The following ADAMTS10 variants were observed in gnomAD, a reference collection of about 807,000 sequenced individuals.
ADAMTS10 encodes ADAM metallopeptidase with thrombospondin type 1 motif 10, also known as A disintegrin and metalloproteinase with thrombospondin motifs 10.
Under a neutral mutation model 135.9 loss-of-function variants are expected in ADAMTS10, and 48 were observed. The ratio of observed to expected loss-of-function variants is 0.35; its 90% CI spans 0.28 to 0.45. ADAMTS10 has a LOEUF of 0.45. ADAMTS10 is among the 20% of genes least tolerant of loss of function. ADAMTS10 has a pLI of 1.00. For synonymous variants in ADAMTS10, 621 were observed against 647.5 expected, an observed-to-expected ratio of 0.96 and a Z score of 0.62; for missense variants, 1,131 against 1,565.2, an observed-to-expected ratio of 0.72 and a Z score of 4.68.
At position 8,605,004 on chromosome 19, in the gene ADAMTS10, C is replaced by T. The variant is rs781904768; in HGVS notation, c.435+8G>A. ...ATTTCCCCCCGCGTTCCAGAATCCT[C>T]AGCTCACCAGGCCTCCACAGGTGCT... On this transcript the variant is annotated splice_region_variant and intron_variant, in intron 4 of 25. Transcript: ENST00000597188. The surrounding 1 kb of genome is among the most constrained non-coding windows in gnomAD (Gnocchi z 7.7). 3.8e-6 allele frequency: 6 copies of T among 1,594,124 alleles called. No individual in the cohort carries two copies. Among genetic ancestry groups the T allele is most frequent in the Non-Finnish European group, 5.1e-6 (6 of 1,171,436 alleles).
rs1555737153 is a variant in ADAMTS10, at chr19:8,586,328, C to T, written c.2530+16G>A. The T allele has an allele frequency of 1.9e-6, 3 of 1,613,452 alleles. No individual in the cohort carries two copies. Among genetic ancestry groups the T allele is most frequent in the Non-Finnish European group, 2.5e-6 (3 of 1,179,870 alleles). The stretch of plus-strand genomic sequence containing the variant: ...CAGCCCAGGTATCTTGTGCCTTCCC[C>T]CACCCCCGGCCTCACCGCCTGCACA... On this transcript the variant is annotated intron_variant, in intron 21 of 25. Coordinates refer to ENST00000597188, the MANE Select transcript of ADAMTS10 (RefSeq NM_030957.4).
rs187900512 is a variant in ADAMTS10 at position 8,600,707 on chromosome 19, C to A, written c.810+221G>T. Among the ~76,000 whole-genome samples, 471 of 152,032 alleles carry A rather than the reference C, an allele frequency of 3.1e-3. 2 individuals are homozygous for A. The highest frequency in any genetic ancestry group is 7.2e-3 in the Admixed American group (109 of 15,240). ...TAGAGATGGGGTTTCACCGTGTTAG[C>A]CAGGATGGTCTCCATCTCCTGACCT... On this transcript the variant is annotated intron_variant, in intron 6 of 25. Transcript: ENST00000597188.
chr19:8,583,796 G>C (rs1231985539), intron 25 of ADAMTS10, among the ~76,000 whole-genome samples: 2 of 152,030 alleles, frequency 1.3e-5, no homozygotes, highest in African/African-American at 4.8e-5. Context: ...GGTGGAGGTT[G>C]CAGTGAGCCG....
rs782583570 is a variant in ADAMTS10, at chr19:8,595,813, A to G, written c.1428T>C (p.Asp476=). The G allele has an allele frequency of 6.8e-6, 11 of 1,614,086 alleles. No homozygotes were observed. Among genetic ancestry groups the G allele is most frequent in the Non-Finnish European group, 9.3e-6 (11 of 1,179,994 alleles). ...TVAPGQAYDA[D]EQCRFQHGVK... ...CTCCATGCTGAAAGCGGCATTGCTC[A>G]TCTGCATCGTAGGCTTGGCCCGGTG... is the stretch of plus-strand genomic sequence containing the variant. Residue 476 remains aspartate (D), a synonymous_variant, in exon 12 of 26, where the codon GAT becomes GAC. Transcript: ENST00000597188.
At chr19:8,600,486 CTTTTCTTTCTTTTCTT>C (rs1229168230) in intron 6 of ADAMTS10, among the ~76,000 whole-genome samples, 2 of 136,144 alleles carry the variant, frequency 1.5e-5, no homozygotes, top group East Asian at 2.7e-4. Flanking sequence ...TCTGTCTTTT[CTTTTCTTTCTTTTCTT>C]TTTTTTTTTT....
intron 12 of ADAMTS10, chr19:8,593,216 G>A (rs1483041652): frequency 1.1e-5 from 4 of 351,196 alleles, no homozygotes; most frequent in African/African-American, 8.3e-5. Context: ...TTAATTCAGA[G>A]TCTGTGCTCT....
At chr19:8,608,532 C>T (rs1184640924) in intron 1 of ADAMTS10, among the ~76,000 whole-genome samples, 1 of 152,098 alleles carries the variant, frequency 6.6e-6, no homozygotes, top group Non-Finnish European at 1.5e-5. Flanking sequence ...GACCCCCGCT[C>T]CTGCCCTGAG....
In ADAMTS10 at chr19:8,592,088, C is replaced by G. The variant is rs369734660; in HGVS notation, c.1603G>C (p.Val535Leu). ...TIDKGWCYKR[V>L]CVPFGSRPEG... is the part of the protein sequence containing the mutation. The stretch of plus-strand genomic sequence containing the variant: ...GGGCGCGACCCAAAGGGGACACAGA[C>G]CCGTTTGTAGCACCACTGGGTGGGG... Residue 535 changes from valine (V) to leucine (L), a missense_variant, in exon 14 of 26, where the codon GTC becomes CTC. This residue lies in a region of ADAMTS10 where 745 missense variants were observed against 1,056.3 expected (regional missense o/e 0.71). Coordinates refer to ENST00000597188, the MANE Select transcript of ADAMTS10 (RefSeq NM_030957.4). 6 of 1,613,636 alleles carry G rather than the reference C, an allele frequency of 3.7e-6. No individual in the cohort carries two copies. Among genetic ancestry groups the G allele is most frequent in the Middle Eastern group, 3.3e-4 (2 of 6,078 alleles).
At chr19:8,607,293 G>A (rs1236069829) in intron 2 of ADAMTS10, among the ~76,000 whole-genome samples, 2 of 152,062 alleles carry the variant, frequency 1.3e-5, no homozygotes, top group Non-Finnish European at 2.9e-5. Flanking sequence ...ACTGTCTTGG[G>A]CCATCTTTGG....
intron 6 of ADAMTS10, among the ~76,000 whole-genome samples, chr19:8,598,066 G>A (rs1273084015): frequency 1.3e-5 from 2 of 151,924 alleles, no homozygotes; most frequent in Non-Finnish European, 2.9e-5. Flanking sequence ...CTCCTGTCCT[G>A]GCCTGGCACA....
rs571696457 is a variant in ADAMTS10, at chr19:8,600,864, C to A, written c.810+64G>T. 77 of 1,592,036 alleles carry A rather than the reference C, an allele frequency of 4.8e-5. 2 individuals are homozygous for A. The South Asian group carries it at 8.3e-4, about 17-fold the overall frequency. On this transcript the variant is annotated intron_variant, in intron 6 of 25. Transcript: ENST00000597188. ...GGGTGGGATGGTAGCCACCCCCTTG[C>A]CTAACACTGCAGGCTGGCTCCAAGT...
At chr19:8,603,267 G>A (rs2042685686) in intron 5 of ADAMTS10, among the ~76,000 whole-genome samples, 1 of 152,054 alleles carries the variant, frequency 6.6e-6, no homozygotes. Flanking sequence ...CTGTCCCCTG[G>A]ATAGAACTCC....
chr19:8,580,820 C>T lies in ADAMTS10; in HGVS notation c.*73G>A. ...CTCCCAGTTCCCGCCCCCCCGGGGC[C>T]CCCTCTGGCCGGCCCGCTGCAGGGC... is the stretch of plus-strand genomic sequence containing the variant. On this transcript the variant is annotated 3_prime_UTR_variant, in exon 26 of 26. Coordinates refer to ENST00000597188, the MANE Select transcript of ADAMTS10 (RefSeq NM_030957.4). 7.8e-7 allele frequency: 1 copy of T among 1,284,284 alleles called. No homozygotes were observed. Among genetic ancestry groups the T allele is most frequent in the Non-Finnish European group, 1.1e-6 (1 of 917,588 alleles). The allele number at this position is 1,284,284 out of a possible 1,614,324, so 79.6% of individuals were successfully genotyped here.
In ADAMTS10 at chr19:8,595,705, C is replaced by T. The variant is rs558631205; in HGVS notation, c.1479+57G>A. The T allele has an allele frequency of 1.1e-5, 16 of 1,417,514 alleles. No individual in the cohort carries two copies. The African/African-American group carries it at 1.3e-4, about 11-fold the overall frequency. The allele number at this position is 1,417,514 out of a possible 1,614,324, so 87.8% of individuals were successfully genotyped here. On this transcript the variant is annotated intron_variant, in intron 12 of 25. Coordinates refer to ENST00000597188, the MANE Select transcript of ADAMTS10 (RefSeq NM_030957.4). ...TGGGTGCCCTGGTGGAGTTCCCTCC[C>T]CCAGCCCCAGCGGCCCCCTCCCCTC...
intron 6 of ADAMTS10, among the ~76,000 whole-genome samples, chr19:8,600,500 C>CTTTTTT (rs797035354): frequency 6.9e-5 from 9 of 129,810 alleles, no homozygotes; most frequent in African/African-American, 1.2e-4. Flanking sequence ...TCTTTCTTTT[C>CTTTTTT]TTTTTTTTTT....
In ADAMTS10 at chr19:8,585,213, G is replaced by T; in HGVS notation, c.2961C>A (p.Pro987=). 1 of 1,428,028 alleles carries T rather than the reference G, an allele frequency of 7.0e-7. No homozygotes were observed. Among genetic ancestry groups the T allele is most frequent in the East Asian group, 2.7e-5 (1 of 37,196 alleles). The allele number at this position is 1,428,028 out of a possible 1,614,324, so 88.5% of individuals were successfully genotyped here. A position where few individuals can be genotyped will look rare whatever the true frequency, so the allele number is the denominator to read the frequency against. ...RATLPPAHCS[P]AAKPPATMRC... ...GCATGGTGGCCGGTGGCTTGGCGGC[G>T]GGTGAGCAGTGCGCCGGGGGCAGCG... Residue 987 remains proline, a synonymous_variant, in exon 24 of 26, where the codon CCC becomes CCA. Transcript: ENST00000597188.
chr19:8,582,214 A>G (rs1263145498), intron 25 of ADAMTS10, among the ~76,000 whole-genome samples: 1 of 152,212 alleles, frequency 6.6e-6, no homozygotes, highest in African/African-American at 2.4e-5. Flanking sequence ...TCACGCCTGT[A>G]ATCACAGCAC....
intron 2 of ADAMTS10, among the ~76,000 whole-genome samples, chr19:8,607,794 T>C (rs2042736579): frequency 6.6e-6 from 1 of 150,638 alleles, no homozygotes; most frequent in Non-Finnish European, 1.5e-5. Flanking sequence ...CCATTCCTTC[T>C]GTTGTTGTTC....
At position 8,603,820 on chromosome 19, in the gene ADAMTS10, C is replaced by T. The variant is rs140455426; in HGVS notation, c.500G>A (p.Gly167Asp). The change falls in exon 5 of 26, where the codon GGT (glycine) becomes GAT (aspartate). Residue 167 changes from glycine to aspartate, a missense_variant. Around this residue, in one of 3 missense-constraint regions of ADAMTS10, gnomAD observed 306 missense variants for 344.4 expected, o/e 0.89. Coordinates refer to ENST00000597188, the MANE Select transcript of ADAMTS10 (RefSeq NM_030957.4). ...TCCACTTTCCTCCGGGCTCCGAGAA[C>T]CCTTGGGCCCACCGTGCAGGGGCTC... is the stretch of plus-strand genomic sequence containing the variant. ...LIEPLHGGPK[G>D]SRSPEESGPH... 6.2e-7 allele frequency: 1 copy of T among 1,614,096 alleles called. No homozygotes were observed. Among genetic ancestry groups the T allele is most frequent in the South Asian group, 1.1e-5 (1 of 91,078 alleles).
Sources: gnomAD v4.1 joint callset for allele counts (sites outside exome capture counted in the v4.1 genomes callset) on GRCh38, gnomAD v4.1.1 for gene constraint, gnomAD v4.1.1 regional missense constraint, Gnocchi (gnomAD v3.1) non-coding constraint, MANE v1.5 for transcripts, NCBI Gene and HGNC (gene_info 2026-07-23, HGNC 2026-07-21) for gene names.